PTPA: variants seen among roughly 807,000 people sequenced by gnomAD.
PTPA encodes serine/threonine-protein phosphatase 2A activator.
Under a neutral mutation model 43.6 loss-of-function variants are expected in PTPA, and 13 were observed. The ratio of observed to expected loss-of-function variants is 0.30; its 90% confidence interval spans 0.19 to 0.47. PTPA has a LOEUF of 0.47. PTPA is among the 20% of genes least tolerant of loss of function. The pLI is 0.99. For synonymous variants in PTPA, 172 were observed against 158.2 expected, an observed-to-expected ratio of 1.09 and a Z score of -0.66; for missense variants, 329 against 411.9, an observed-to-expected ratio of 0.80 and a Z score of 1.74.
chr9:129,136,372 A>G, intron 6 of PTPA, 99 bp from the exon 7 acceptor site: 2 of 1,315,092 alleles, frequency 1.5e-6, no homozygotes, highest in Non-Finnish European at 2.1e-6. Flanking sequence ...AACACTCTTC[A>G]GTGGTTATTT....
intron 5 of PTPA, among the ~76,000 whole-genome samples, chr9:129,132,703 G>A (rs943622316): frequency 4.9e-4 from 74 of 152,176 alleles, no homozygotes; most frequent in African/African-American, 1.6e-3. Context: ...GGCTGGTCTC[G>A]AACTCCTGAC....
intron 1 of PTPA, among the ~76,000 whole-genome samples, chr9:129,112,310 C>T (rs1010215566): frequency 2.6e-5 from 4 of 152,170 alleles, no homozygotes; most frequent in African/African-American, 9.7e-5. Context: ...ACGGAAGGAT[C>T]TTAGAGACCC....
rs541615762 is a variant in PTPA, at chr9:129,111,933, C to T, written c.31+302C>T. 8.5e-5 allele frequency: 44 copies of T among 516,904 alleles called. No individual in the cohort carries two copies. The Middle Eastern group carries it at 7.5e-3, about 88-fold the overall frequency. The allele number at this position is 516,904 out of a possible 1,614,324, so 32.0% of individuals were successfully genotyped here. On this transcript the variant is annotated intron_variant, in intron 1 of 9. Transcript: ENST00000393370. The stretch of plus-strand genomic sequence containing the variant: ...GTGGTCATAAGGGGGCCTTTTGCAT[C>T]TCTGGGCAGCGCGTGCTTAAGTAAG...
chr9:129,140,922 C>G (rs985876411), intron 8 of PTPA, among the ~76,000 whole-genome samples: 1 of 151,994 alleles, frequency 6.6e-6, no homozygotes, highest in Non-Finnish European at 1.5e-5. Flanking sequence ...GAGGAGAGAG[C>G]CTGGGGTGAT....
At chr9:129,121,833 A>C (rs1409391254) in intron 2 of PTPA, among the ~76,000 whole-genome samples, 7 of 152,222 alleles carry the variant, frequency 4.6e-5, no homozygotes, top group Non-Finnish European at 8.8e-5. Flanking sequence ...GTGTAGCTGC[A>C]GTCAGGACAG....
Position 129,142,431 on chromosome 9 carries a change from C to G in PTPA, c.787-14C>G, listed in dbSNP as rs1408320121. The G allele has an allele frequency of 1.6e-5, 25 of 1,555,142 alleles. No individual in the cohort carries two copies. Among genetic ancestry groups the G allele is most frequent in the Non-Finnish European group, 1.9e-5 (22 of 1,147,572 alleles). On this transcript the variant is annotated splice_polypyrimidine_tract_variant and intron_variant, in intron 8 of 9. Coordinates refer to ENST00000393370, the MANE Select transcript of PTPA (RefSeq NM_178000.3). ...CAGAACCTGTCTCTTCAGCTTGTGG[C>G]TTCTCTTTTTCAGATGAAGACTGGC...
chr9:129,142,957 A>G, intron 9 of PTPA: 5 of 1,402,118 alleles, frequency 3.6e-6, no homozygotes, highest in East Asian at 2.5e-5. Flanking sequence ...GGCATCTCCA[A>G]AGTGCTGCCT....
chr9:129,112,939 C>CA (rs1350840821), intron 1 of PTPA, among the ~76,000 whole-genome samples: 2 of 10,042 alleles, frequency 2.0e-4, no homozygotes, highest in African/African-American at 5.2e-4. Context: ...GAAACTCCGT[C>CA]ACCCCCCAAA....
intron 9 of PTPA, chr9:129,143,649 C>A: frequency 3.8e-6 from 2 of 531,306 alleles, no homozygotes; most frequent in Non-Finnish European, 3.4e-6. Flanking sequence ...CCCTCACTCC[C>A]TTCCGCCCCC....
At chr9:129,139,070 CTG>C in intron 8 of PTPA, among the ~76,000 whole-genome samples, 1 of 152,304 alleles carries the variant, frequency 6.6e-6, no homozygotes, top group East Asian at 1.9e-4. Flanking sequence ...AGATGCCACA[CTG>C]AGTTCTTGGG....
rs183277829 is a variant in PTPA at position 129,143,630 on chromosome 9, C to T, written c.894+1078C>T. The T allele has an allele frequency of 3.0e-3, 1,732 of 574,376 alleles. 9 individuals carry two copies. Among genetic ancestry groups the T allele is most frequent in the Non-Finnish European group, 4.3e-3 (1,393 of 320,970 alleles). The allele number at this position is 574,376 out of a possible 1,614,324, so 35.6% of individuals were successfully genotyped here. A position where few individuals can be genotyped will look rare whatever the true frequency, so the allele number is the denominator to read the frequency against. On this transcript the variant is annotated intron_variant, in intron 9 of 9. Coordinates refer to ENST00000393370, the MANE Select transcript of PTPA (RefSeq NM_178000.3). The stretch of plus-strand genomic sequence containing the variant: ...AGGGGTTAATGAGGCTTGAACTGAA[C>T]AGACCGGGCCCTCACTCCCTTCCGC...
chr9:129,112,295 G>T (rs934115543), intron 1 of PTPA, among the ~76,000 whole-genome samples: 1 of 152,202 alleles, frequency 6.6e-6, no homozygotes. Flanking sequence ...TGGGATGGAG[G>T]TGCTACGGAA....
rs546937110 is a variant in PTPA, at chr9:129,132,071, C to G, written c.460+432C>G. On this transcript the variant is annotated intron_variant, in intron 5 of 9. Transcript: ENST00000393370. Reference sequence around the variant, plus strand: ...ACACCCTCTCCCTTGAACCCCTTGTCTCTTAGCCACATTCTCTGTGCTATT... The same window carrying G: ...ACACCCTCTCCCTTGAACCCCTTGTGTCTTAGCCACATTCTCTGTGCTATT... Among the ~76,000 whole-genome samples, 7 of 152,288 alleles carry G rather than the reference C, an allele frequency of 4.6e-5. No homozygotes were observed. The South Asian group carries it at 1.2e-3, about 27-fold the overall frequency.
At chr9:129,128,842 AGT>A in intron 3 of PTPA, 141 bp from the exon 4 acceptor site, 1 of 963,544 alleles carries the variant, frequency 1.0e-6, no homozygotes, top group Non-Finnish European at 1.5e-6. Context: ...TATTCAGAAC[AGT>A]GGGGAAGAAA....
intron 2 of PTPA, among the ~76,000 whole-genome samples, chr9:129,121,809 A>G (rs1849265214): frequency 6.6e-6 from 1 of 152,176 alleles, no homozygotes; most frequent in African/African-American, 2.4e-5. Context: ...GCTGCTTCTC[A>G]TCCATGTGTT....
intron 8 of PTPA, chr9:129,140,142 C>T (rs1349964147): frequency 6.6e-6 from 1 of 151,504 alleles, no homozygotes; most frequent in African/African-American, 2.4e-5. Flanking sequence ...GAGGCAGGAA[C>T]GCAGCGTCTG....
chr9:129,111,273 C>T, upstream of PTPA: 1 of 1,199,382 alleles, frequency 8.3e-7, no homozygotes, highest in Non-Finnish European at 1.0e-6. Flanking sequence ...GCCCGACGTT[C>T]GGGCGGCCGT....
chr9:129,134,836 A>T lies in PTPA; in HGVS notation c.502A>T (p.Lys168Ter). ...AFAAFLCCLC[K>*]IGVLRVDDQI... Reference sequence around the variant, plus strand: ...CGCTGCTTTCCTCTGCTGTCTCTGCAAGATTGGGGTGCTCCGGGTGGATGA... The same window carrying T: ...CGCTGCTTTCCTCTGCTGTCTCTGCTAGATTGGGGTGCTCCGGGTGGATGA... Residue 168 changes from lysine to a stop codon, truncating the protein, a stop_gained, in exon 6 of 10, where the codon AAG (lysine) becomes TAG (stop). Coordinates refer to ENST00000393370, the MANE Select transcript of PTPA (RefSeq NM_178000.3). LOFTEE classifies it high-confidence loss of function. 6.2e-7 allele frequency: 1 copy of T among 1,614,128 alleles called. No homozygotes were observed. The highest frequency in any genetic ancestry group is 8.5e-7 in the Non-Finnish European group (1 of 1,180,026).
chr9:129,140,941 A>G (rs1223981828), intron 8 of PTPA, among the ~76,000 whole-genome samples: 5 of 151,948 alleles, frequency 3.3e-5, no homozygotes, highest in African/African-American at 1.2e-4. Context: ...ATTCTGAGTG[A>G]AGCGAGTGGT....
Sources: allele counts gnomAD v4.1 joint callset (sites outside exome capture counted in the v4.1 genomes callset), GRCh38; gene constraint gnomAD v4.1.1; transcripts MANE v1.5; gene names NCBI Gene and HGNC (gene_info 2026-07-23, HGNC 2026-07-21).